SLC35A3: variants seen among roughly 807,000 people sequenced by gnomAD.
The protein encoded by SLC35A3 is UDP-N-acetylglucosamine transporter.
Under a neutral mutation model 39.0 loss-of-function variants are expected in SLC35A3, and 26 were observed. The ratio of observed to expected loss-of-function variants is 0.67; its 90% CI spans 0.49 to 0.92. The LOEUF (loss-of-function observed/expected upper bound fraction) is 0.92. Ranked by LOEUF, SLC35A3 falls within the 40% of genes least tolerant of loss-of-function variation. SLC35A3 has a pLI of 0.00. For synonymous variants in SLC35A3, 135 were observed against 133.1 expected (o/e 1.01, Z -0.10); for missense variants, 299 against 371.6 (o/e 0.80, Z 1.61).
At chr1:99,971,597 G>A (rs188088703) in intron 1 of SLC35A3, among the ~76,000 whole-genome samples, 45 of 152,150 alleles carry the variant, frequency 3.0e-4, no homozygotes, top group African/African-American at 1.1e-3. Flanking sequence ...GTGAGCCACC[G>A]CACCCGGCCC....
Position 99,999,358 on chromosome 1 carries a change from T to C in SLC35A3, c.285T>C (p.Thr95=). 6.3e-7 allele frequency: 1 copy of C among 1,597,554 alleles called. No individual in the cohort carries two copies. The change falls in exon 3 of 8, where the codon ACT becomes ACC. Residue 95 remains threonine (T), a synonymous_variant. Transcript: ENST00000533028. ...TTGCTATTCCATCAGGGATCTATAC[T>C]CTTCAGAATAATTTACTGTATGTGG... ...LKLAIPSGIY[T]LQNNLLYVAL...
At position 100,030,511 on chromosome 1, in the gene SLC35A3, T is replaced by C. The variant is rs1661164260; in HGVS notation, c.*8035T>C. 6.6e-6 allele frequency: 1 copy of C among 152,220 alleles called. No individual in the cohort carries two copies. Among genetic ancestry groups the C allele is most frequent in the Admixed American group, 6.5e-5 (1 of 15,290 alleles). 9.4% of individuals were successfully genotyped at this position (152,220 alleles called of 1,614,324 possible). A position where few individuals can be genotyped will look rare whatever the true frequency, so the allele number is the denominator to read the frequency against. ...TTTTTTAAAGCTCATCAGCTATTAT[T>C]AGTTACTGTATTTTATATGTGGCCC... On this transcript the variant is annotated 3_prime_UTR_variant, in exon 8 of 8. Coordinates refer to ENST00000533028, the MANE Select transcript of SLC35A3 (RefSeq NM_012243.3).
intron 1 of SLC35A3, among the ~76,000 whole-genome samples, chr1:99,984,338 A>G (rs1372808156): frequency 6.6e-6 from 1 of 152,174 alleles, no homozygotes; most frequent in Non-Finnish European, 1.5e-5. Flanking sequence ...TGAGAACATA[A>G]TGATGTTTGG....
Position 99,971,459 on chromosome 1 carries a change from G to A in SLC35A3, c.-19+1297G>A, listed in dbSNP as rs371049091. On this transcript the variant is annotated intron_variant, in intron 1 of 7. Coordinates refer to ENST00000533028, the MANE Select transcript of SLC35A3 (RefSeq NM_012243.3). ...GTAGCTGGGACTACAGGCGCCCGCC[G>A]CCACGCCCGGCTAATTTTTTTGTAT... Among the ~76,000 whole-genome samples the A allele has an allele frequency of 2.2e-3, 335 of 151,764 alleles. 3 individuals are homozygous for A. Among genetic ancestry groups the A allele is most frequent in the African/African-American group, 7.9e-3 (326 of 41,384 alleles).
chr1:100,001,889 T>C (rs552534580), intron 3 of SLC35A3, among the ~76,000 whole-genome samples: 3 of 152,356 alleles, frequency 2.0e-5, no homozygotes, highest in East Asian at 3.9e-4. Context: ...TCTGTTGATA[T>C]GGTGTATTAC....
intron 3 of SLC35A3, among the ~76,000 whole-genome samples, chr1:100,002,756 AT>A (rs909197314): frequency 3.0e-4 from 46 of 151,942 alleles, no homozygotes; most frequent in Admixed American, 2.7e-3. Flanking sequence ...AGCTGAGAAT[AT>A]AGGCATGTGC....
chr1:99,978,241 A>G (rs915677011), intron 1 of SLC35A3, among the ~76,000 whole-genome samples: 1 of 152,188 alleles, frequency 6.6e-6, no homozygotes, highest in South Asian at 2.1e-4. Flanking sequence ...AAAACAGCAA[A>G]GAGGCCGGGC....
intron 1 of SLC35A3, among the ~76,000 whole-genome samples, chr1:99,978,684 A>G (rs1035701885): frequency 6.6e-6 from 1 of 152,196 alleles, no homozygotes; most frequent in African/African-American, 2.4e-5. Context: ...TTTGTGAGCA[A>G]AAAGTGGATG....
At chr1:99,978,371 A>T (rs1011311242) in intron 1 of SLC35A3, among the ~76,000 whole-genome samples, 22 of 152,206 alleles carry the variant, frequency 1.4e-4, no homozygotes, top group African/African-American at 2.6e-4. Flanking sequence ...AAAAAAATTT[A>T]AAAAATTTAG....
intron 7 of SLC35A3, among the ~76,000 whole-genome samples, chr1:100,019,959 T>C (rs934862218): frequency 2.0e-5 from 3 of 152,220 alleles, no homozygotes; most frequent in Non-Finnish European, 4.4e-5. Flanking sequence ...CAAAAGTTTG[T>C]GTCTACTATG....
chr1:99,977,847 C>G (rs1267646761), intron 1 of SLC35A3, among the ~76,000 whole-genome samples: 2 of 152,158 alleles, frequency 1.3e-5, no homozygotes, highest in African/African-American at 4.8e-5. Context: ...CCCTCGTATG[C>G]TTTAATACCT....
intron 3 of SLC35A3, among the ~76,000 whole-genome samples, chr1:100,003,438 A>AAAAG (rs1329391996): frequency 3.0e-4 from 45 of 148,942 alleles, no homozygotes; most frequent in African/African-American, 1.1e-3. Flanking sequence ...AAAAAAAAAA[A>AAAAG]AGAGAAGAGG....
intron 3 of SLC35A3, among the ~76,000 whole-genome samples, chr1:100,002,302 T>C (rs1658866754): frequency 6.6e-6 from 1 of 152,180 alleles, no homozygotes; most frequent in Non-Finnish European, 1.5e-5. Flanking sequence ...TACTTGTTAT[T>C]GGTCTTTCTT....
chr1:100,008,378 A>C (rs1659392020), intron 4 of SLC35A3: 1 of 152,212 alleles, frequency 6.6e-6, no homozygotes, highest in Non-Finnish European at 1.5e-5. Context: ...AGGTATTTTA[A>C]ATTAGAAAGT....
At chr1:99,972,066 T>A (rs1490264880) in intron 1 of SLC35A3, among the ~76,000 whole-genome samples, 2 of 151,858 alleles carry the variant, frequency 1.3e-5, no homozygotes, top group Non-Finnish European at 2.9e-5. Flanking sequence ...ACCCAGCCAA[T>A]TTTTTTGTAG....
chr1:100,015,025 G>C (rs1659964906), intron 5 of SLC35A3, among the ~76,000 whole-genome samples: 1 of 151,920 alleles, frequency 6.6e-6, no homozygotes, highest in Admixed American at 6.5e-5. Flanking sequence ...GGGCGTGGTG[G>C]CACGCGCCTG....
intron 1 of SLC35A3, among the ~76,000 whole-genome samples, chr1:99,977,838 C>G (rs1382630178): frequency 6.6e-6 from 1 of 152,166 alleles, no homozygotes; most frequent in Non-Finnish European, 1.5e-5. Context: ...CGTGCCTGGC[C>G]CTCGTATGCT....
intron 1 of SLC35A3, among the ~76,000 whole-genome samples, chr1:99,984,700 G>C (rs1474677295): frequency 6.6e-6 from 1 of 152,164 alleles, no homozygotes; most frequent in African/African-American, 2.4e-5. Flanking sequence ...ATTCCAGCCA[G>C]CAGTGTAAAA....
intron 3 of SLC35A3, 94 bp downstream of exon 3, chr1:99,999,509 C>T: frequency 2.8e-6 from 2 of 716,538 alleles, no homozygotes; most frequent in South Asian, 4.1e-5. Context: ...TATTTTGATA[C>T]ATGCATCCAA....
Sources: allele counts gnomAD v4.1 joint callset (sites outside exome capture counted in the v4.1 genomes callset), GRCh38; gene constraint gnomAD v4.1.1; transcripts MANE v1.5; gene names NCBI Gene and HGNC (gene_info 2026-07-23, HGNC 2026-07-21).